Variants in CHAF1B observed in about 807,000 individuals in gnomAD.
CHAF1B encodes chromatin assembly factor 1 subunit B.
Under a neutral mutation model 60.7 loss-of-function variants are expected in CHAF1B, and 10 were observed. That is an observed-to-expected ratio of 0.16 (90% CI 0.10 to 0.28). CHAF1B has a LOEUF of 0.28. CHAF1B is among the 10% of genes least tolerant of loss of function. CHAF1B has a pLI of 1.00. For synonymous variants in CHAF1B, 261 were observed against 266.1 expected, an observed-to-expected ratio of 0.98 and a Z score of 0.19; for missense variants, 558 against 708.4, an observed-to-expected ratio of 0.79 and a Z score of 2.41.
chr21:36,409,033 T>C lies in CHAF1B; in HGVS notation c.827+203T>C, dbSNP rs186996924. On this transcript the variant is annotated intron_variant, in intron 9 of 13. Coordinates refer to ENST00000314103, the MANE Select transcript of CHAF1B (RefSeq NM_005441.3). ...CCACTCCTAGTTAATTTTTGTATTT[T>C]TAGTAGAGATGGGGTTGCACCATGT... 2.6e-5 allele frequency among the ~76,000 whole-genome samples: 4 copies of C among 152,176 alleles called. No homozygotes were observed. The East Asian group carries it at 7.7e-4, about 29-fold the overall frequency.
intron 4 of CHAF1B, among the ~76,000 whole-genome samples, chr21:36,391,973 AG>A (rs1237558612): frequency 2.0e-5 from 2 of 101,930 alleles, no homozygotes; most frequent in Non-Finnish European, 3.6e-5. Context: ...TTTCTCGGAG[AG>A]GGGGATTTGG....
chr21:36,393,968 T>C (rs148803596), intron 4 of CHAF1B, among the ~76,000 whole-genome samples: 4,668 of 152,108 alleles, frequency 0.031, 100 homozygotes, highest in Admixed American at 0.047. Context: ...GGCATGATCT[T>C]GGCTCACTGC....
chr21:36,401,637 AAT>A (rs1288219872), intron 7 of CHAF1B, among the ~76,000 whole-genome samples: 2 of 140,240 alleles, frequency 1.4e-5, no homozygotes, highest in Non-Finnish European at 3.0e-5. Context: ...TATTATATAT[AAT>A]ATATATTTTT....
intron 5 of CHAF1B, among the ~76,000 whole-genome samples, chr21:36,396,094 G>T (rs1053203737): frequency 6.6e-6 from 1 of 151,128 alleles, no homozygotes; most frequent in East Asian, 2.0e-4. Context: ...TCTGCCTCCC[G>T]GGTTCAACAA....
In CHAF1B at chr21:36,391,415, G is replaced by C. The variant is rs148959659; in HGVS notation, c.260-136G>C. On this transcript the variant is annotated intron_variant, in intron 3 of 13. Coordinates refer to ENST00000314103, the MANE Select transcript of CHAF1B (RefSeq NM_005441.3). ...GGAGGCAGAGGTTGCAGTGAGCCAAGATTGCGCCACTGCACTCCAGCCTGG... is the reference window on the plus strand; with the variant it reads ...GGAGGCAGAGGTTGCAGTGAGCCAACATTGCGCCACTGCACTCCAGCCTGG... 5.5e-3 allele frequency: 2,680 copies of C among 488,182 alleles called. 15 individuals carry two copies. The highest frequency in any genetic ancestry group is 8.0e-3 in the South Asian group (367 of 46,086). 30.2% of individuals were successfully genotyped at this position (488,182 alleles called of 1,614,324 possible).
rs148582638 is a variant in CHAF1B, at chr21:36,413,102, C to T, written c.1280C>T (p.Pro427Leu). The stretch of plus-strand genomic sequence containing the variant: ...ACCCCTGCCAGCAGAACCCAAGACC[C>T]CAGCAGCCCCGGCACGACTCCCCCT... ...EGTPASRTQD[P>L]SSPGTTPPQA... is the part of the protein sequence containing the mutation. Residue 427 changes from proline to leucine, a missense_variant, in exon 12 of 14, where the codon CCC becomes CTC. Physicochemically the swap from Pro to Leu is moderately conservative, Grantham distance 98 (BLOSUM62 -3). Around this residue, in one of 2 missense-constraint regions of CHAF1B, gnomAD observed 233 missense variants for 214.9 expected, o/e 1.08. Coordinates refer to ENST00000314103, the MANE Select transcript of CHAF1B (RefSeq NM_005441.3). 2.0e-4 allele frequency: 317 copies of T among 1,613,980 alleles called. No homozygotes were observed. Among genetic ancestry groups the T allele is most frequent in the Non-Finnish European group, 2.1e-4 (249 of 1,180,020 alleles).
intron 6 of CHAF1B, 36 bp downstream of exon 6, chr21:36,397,547 T>A (rs1227587760): frequency 2.5e-6 from 3 of 1,177,232 alleles, no homozygotes; most frequent in African/African-American, 3.1e-5. Flanking sequence ...GGAATTTCTT[T>A]GTATTTACTT....
chr21:36,391,779 C>T, intron 4 of CHAF1B, 111 bp downstream of exon 4: 1 of 692,986 alleles, frequency 1.4e-6, no homozygotes, highest in South Asian at 1.7e-5. Context: ...CTCATTGTCG[C>T]CCAGGCTGGA....
chr21:36,389,807 G>GCGCGCGCA (rs1479136405), intron 3 of CHAF1B, among the ~76,000 whole-genome samples: 3 of 150,792 alleles, frequency 2.0e-5, no homozygotes, highest in African/African-American at 4.9e-5. Context: ...GTGTGCGCGC[G>GCGCGCGCA]CACGCTGATT....
At position 36,416,198 on chromosome 21, in the gene CHAF1B, T is replaced by C. The variant is rs937927085; in HGVS notation, c.1589-77T>C. Reference sequence around the variant, plus strand: ...GCAGCTCAGTTCCGTGTCTTGGCTCTGTATTCTGTAAATGTCAGCCCTTGA... The same window carrying C: ...GCAGCTCAGTTCCGTGTCTTGGCTCCGTATTCTGTAAATGTCAGCCCTTGA... On this transcript the variant is annotated intron_variant, in intron 13 of 13. Coordinates refer to ENST00000314103, the MANE Select transcript of CHAF1B (RefSeq NM_005441.3). 3 of 1,258,164 alleles carry C rather than the reference T, an allele frequency of 2.4e-6. No individual in the cohort carries two copies. In the African/African-American group the frequency reaches 4.5e-5, roughly 19 times the overall value. The allele number at this position is 1,258,164 out of a possible 1,614,324, so 77.9% of individuals were successfully genotyped here.
At chr21:36,394,730 CTT>C (rs370521957) in intron 5 of CHAF1B, 80 bp downstream of exon 5, 27,009 of 515,240 alleles carry the variant, frequency 0.052, no homozygotes, top group South Asian at 0.066. Flanking sequence ...CTTGCTTTAA[CTT>C]TTTTTTTTTT....
intron 3 of CHAF1B, among the ~76,000 whole-genome samples, chr21:36,389,954 G>A (rs560543070): frequency 1.3e-5 from 2 of 152,266 alleles, no homozygotes; most frequent in East Asian, 3.9e-4. Flanking sequence ...TTGTCAGCAC[G>A]TGGAGAGTGT....
In CHAF1B at chr21:36,397,526, G is replaced by T; in HGVS notation, c.578+15G>T. ...AGCTGTGACAGGTAAATTCAGCTTT[G>T]GCATTTACTTGGAATTTCTTTGTAT... is the stretch of plus-strand genomic sequence containing the variant. On this transcript the variant is annotated intron_variant, in intron 6 of 13. Coordinates refer to ENST00000314103, the MANE Select transcript of CHAF1B (RefSeq NM_005441.3). The T allele has an allele frequency of 7.2e-7, 1 of 1,392,006 alleles. No homozygotes were observed. Among genetic ancestry groups the T allele is most frequent in the Non-Finnish European group, 9.8e-7 (1 of 1,021,284 alleles). 86.2% of individuals were successfully genotyped at this position (1,392,006 alleles called of 1,614,324 possible).
intron 10 of CHAF1B, among the ~76,000 whole-genome samples, chr21:36,410,062 C>G (rs2086266041): frequency 6.6e-6 from 1 of 151,612 alleles, no homozygotes; most frequent in South Asian, 2.1e-4. Context: ...CTCCCAGGTT[C>G]AAGGGATTCT....
At chr21:36,409,490 G>A (rs758333311) in intron 10 of CHAF1B, 25 bp downstream of exon 10, 8 of 1,575,922 alleles carry the variant, frequency 5.1e-6, no homozygotes, top group Middle Eastern at 1.7e-4. Flanking sequence ...TCAGGGGTGT[G>A]TTATGTTTTC....
In CHAF1B at chr21:36,402,739, T is replaced by C; in HGVS notation, c.664-19T>C. The C allele has an allele frequency of 6.3e-7, 1 of 1,593,198 alleles. No homozygotes were observed. Among genetic ancestry groups the C allele is most frequent in the Non-Finnish European group, 8.5e-7 (1 of 1,169,732 alleles). On this transcript the variant is annotated intron_variant, in intron 7 of 13. Coordinates refer to ENST00000314103, the MANE Select transcript of CHAF1B (RefSeq NM_005441.3). ...AAACAAACAAAAAAAATAATAAAAA[T>C]AAATTTTGTGTGCGACAGGCAAGAA... is the stretch of plus-strand genomic sequence containing the variant.
At chr21:36,392,740 G>C (rs971265244) in intron 4 of CHAF1B, among the ~76,000 whole-genome samples, 45 of 152,086 alleles carry the variant, frequency 3.0e-4, no homozygotes, top group African/African-American at 1.1e-3. Context: ...GGGCGGCGGG[G>C]CAGAGGCGCT....
In CHAF1B at chr21:36,416,386, C is replaced by G; in HGVS notation, c.*20C>G. 2.5e-6 allele frequency: 4 copies of G among 1,599,968 alleles called. No individual in the cohort carries two copies. The highest frequency in any genetic ancestry group is 3.4e-6 in the Non-Finnish European group (4 of 1,169,630). ...CCTTGATGGGACCTCGGCTTCTGCT[C>G]GAAGCCTACCAGGCTCCCGGTGTGT... On this transcript the variant is annotated 3_prime_UTR_variant, in exon 14 of 14. Coordinates refer to ENST00000314103, the MANE Select transcript of CHAF1B (RefSeq NM_005441.3).
At chr21:36,393,976 T>G (rs1467221555) in intron 4 of CHAF1B, among the ~76,000 whole-genome samples, 3 of 151,890 alleles carry the variant, frequency 2.0e-5, no homozygotes, top group Admixed American at 1.3e-4. Flanking sequence ...CTTGGCTCAC[T>G]GCAATCTCTG....
Sources: gnomAD v4.1 joint callset for allele counts (sites outside exome capture counted in the v4.1 genomes callset) on GRCh38, gnomAD v4.1.1 for gene constraint, gnomAD v4.1.1 regional missense constraint, MANE v1.5 for transcripts, NCBI Gene and HGNC (gene_info 2026-07-23, HGNC 2026-07-21) for gene names.